The following SORT1 variants were observed in gnomAD, a reference collection of about 807,000 sequenced individuals.
SORT1 encodes sortilin 1.
Under a neutral mutation model 101.7 loss-of-function variants are expected in SORT1, and 39 were observed. The observed-to-expected ratio is 0.38, with a 90% confidence interval of 0.30 to 0.50. The LOEUF (loss-of-function observed/expected upper bound fraction) is 0.50. Ranked by LOEUF, SORT1 falls within the 20% of genes least tolerant of loss-of-function variation. The pLI is 0.90. For synonymous variants in SORT1, 396 were observed against 393.7 expected, an observed-to-expected ratio of 1.01 and a Z score of -0.07; for missense variants, 878 against 1,040.4, an observed-to-expected ratio of 0.84 and a Z score of 2.15.
chr1:109,388,266 C>A (rs1240365732), intron 1 of SORT1, among the ~76,000 whole-genome samples: 13 of 152,156 alleles, frequency 8.5e-5, no homozygotes, highest in African/African-American at 3.1e-4. Flanking sequence ...AAGACAGTAT[C>A]TCGCTCTGTT....
At chr1:109,389,368 T>C (rs116649254) in intron 1 of SORT1, among the ~76,000 whole-genome samples, 6,408 of 152,292 alleles carry the variant, frequency 0.042, 186 homozygotes, top group Middle Eastern at 0.078. Context: ...TTCACAACTA[T>C]ATTACTTATA....
intron 3 of SORT1, among the ~76,000 whole-genome samples, chr1:109,365,180 G>A (rs1377922050): frequency 6.6e-6 from 1 of 152,098 alleles, no homozygotes; most frequent in Non-Finnish European, 1.5e-5. Flanking sequence ...TGATTATACT[G>A]CTTTTATAAT....
Position 109,325,077 on chromosome 1 carries a change from G to A in SORT1, c.1656C>T (p.Asp552=), listed in dbSNP as rs370561290. 66 of 1,609,146 alleles carry A rather than the reference G, an allele frequency of 4.1e-5. No homozygotes were observed. Among genetic ancestry groups the A allele is most frequent in the South Asian group, 5.5e-5 (5 of 90,828 alleles). The part of the protein sequence containing the change: ...RPINVIKFST[D]EGQCWQTYTF... ...TGTAGGTTTGCCAGCATTGACCTTC[G>A]TCTGTGGAGAACCTGAAACCACAAT... Residue 552 remains aspartate (D), a synonymous_variant, in exon 14 of 20, where the codon GAC becomes GAT. Transcript: ENST00000256637.
At chr1:109,364,987 C>A (rs113576828) in intron 3 of SORT1, among the ~76,000 whole-genome samples, 1 of 152,168 alleles carries the variant, frequency 6.6e-6, no homozygotes, top group Non-Finnish European at 1.5e-5. Flanking sequence ...CAATCCTGAG[C>A]CTACTTGCCA....
chr1:109,355,311 AC>A (rs1438032412), intron 4 of SORT1, 55 bp downstream of exon 4: 5 of 856,216 alleles, frequency 5.8e-6, no homozygotes, highest in Non-Finnish European at 1.0e-5. Context: ...CTAATATCTG[AC>A]AGCTCTGCAT....
chr1:109,396,825 C>T (rs1438570547), intron 1 of SORT1, among the ~76,000 whole-genome samples: 2 of 152,194 alleles, frequency 1.3e-5, no homozygotes, highest in Admixed American at 6.5e-5. Context: ...CCAAGTTGTG[C>T]TGAAGCAAGG....
chr1:109,356,784 G>A (rs886509740), intron 3 of SORT1, among the ~76,000 whole-genome samples: 1 of 152,130 alleles, frequency 6.6e-6, no homozygotes, highest in African/African-American at 2.4e-5. Context: ...AGAAGTATTC[G>A]AATCCATGTT....
At chr1:109,382,987 C>G (rs1652337565) in intron 1 of SORT1, among the ~76,000 whole-genome samples, 1 of 152,148 alleles carries the variant, frequency 6.6e-6, no homozygotes, top group South Asian at 2.1e-4. Context: ...TTCATGGAAA[C>G]AACCATCTTC....
intron 3 of SORT1, among the ~76,000 whole-genome samples, chr1:109,358,581 C>T (rs1291708756): frequency 6.6e-6 from 1 of 152,126 alleles, no homozygotes; most frequent in East Asian, 1.9e-4. Flanking sequence ...TTTGGCCGGG[C>T]GTGGTGGCTC....
intron 1 of SORT1, among the ~76,000 whole-genome samples, chr1:109,377,861 A>G (rs762162475): frequency 6.6e-6 from 1 of 152,168 alleles, no homozygotes; most frequent in Non-Finnish European, 1.5e-5. Flanking sequence ...AGAACACCAC[A>G]AATAAAATCT....
intron 13 of SORT1, among the ~76,000 whole-genome samples, chr1:109,326,510 C>CATAG (rs34942536): frequency 7.5e-6 from 1 of 132,682 alleles, no homozygotes; most frequent in African/African-American, 2.9e-5. Flanking sequence ...TATATACACA[C>CATAG]ATACACATAT....
At chr1:109,340,604 G>T in intron 10 of SORT1, 120 bp downstream of exon 10, 20 of 957,812 alleles carry the variant, frequency 2.1e-5, no homozygotes, top group Non-Finnish European at 2.8e-5. Flanking sequence ...ACAAAAAAAT[G>T]TACATGGGTA....
intron 14 of SORT1, among the ~76,000 whole-genome samples, chr1:109,323,391 T>A (rs1647773446): frequency 6.6e-6 from 1 of 152,240 alleles, no homozygotes; most frequent in African/African-American, 2.4e-5. Flanking sequence ...GGAAGCTGGA[T>A]AGAAAATCTC....
rs970983540 is a variant in SORT1, at chr1:109,344,659, T to C, written c.963+1092A>G. On this transcript the variant is annotated intron_variant, in intron 8 of 19. Coordinates refer to ENST00000256637, the MANE Select transcript of SORT1 (RefSeq NM_002959.7). ...TTGTTTTCTTACTGTTTTAGATTTC[T>C]TCGCGGCTTTAATTATTACCTGATA... Among the ~76,000 whole-genome samples the C allele has an allele frequency of 3.9e-5, 6 of 152,346 alleles. No individual in the cohort carries two copies. The East Asian group carries it at 5.8e-4, about 15-fold the overall frequency.
intron 2 of SORT1, 49 bp from the exon 3 acceptor site, chr1:109,367,530 C>A: frequency 8.4e-7 from 1 of 1,192,608 alleles, no homozygotes; most frequent in Non-Finnish European, 1.2e-6. Flanking sequence ...ATTCCAATCA[C>A]ATGCTGATAT....
rs780221196 is a variant in SORT1, at chr1:109,392,824, C to T, written c.306+4763G>A. On this transcript the variant is annotated intron_variant, in intron 1 of 19. Transcript: ENST00000256637. ...GAGAGAAGACTCTTCATGAAGGTTT[C>T]GCTCACTCTGCTCAACCAGGACCAA... 30 of 985,112 alleles carry T rather than the reference C, an allele frequency of 3.0e-5. 1 individual carries two copies. Among genetic ancestry groups the T allele is most frequent in the Admixed American group, 1.8e-4 (3 of 16,288 alleles). The allele number at this position is 985,112 out of a possible 1,614,324, so 61.0% of individuals were successfully genotyped here.
intron 16 of SORT1, 78 bp from the exon 17 acceptor site, chr1:109,317,036 T>A: frequency 1.0e-6 from 1 of 955,580 alleles, no homozygotes; most frequent in Non-Finnish European, 1.6e-6. Flanking sequence ...GAAACAAGAT[T>A]TGAAAAGCTG....
At chr1:109,384,750 C>T (rs1459514243) in intron 1 of SORT1, among the ~76,000 whole-genome samples, 2 of 152,060 alleles carry the variant, frequency 1.3e-5, no homozygotes, top group East Asian at 3.9e-4. Flanking sequence ...CATCCCATGG[C>T]AGAAAGTGGA....
At chr1:109,350,882 C>T in intron 6 of SORT1, 47 bp downstream of exon 6, 1 of 1,250,684 alleles carries the variant, frequency 8.0e-7, no homozygotes, top group Non-Finnish European at 1.2e-6. Context: ...GCAGCGCTAT[C>T]AGGAAGGGTT....
Sources: allele counts gnomAD v4.1 joint callset (sites outside exome capture counted in the v4.1 genomes callset), GRCh38; gene constraint gnomAD v4.1.1; transcripts MANE v1.5; gene names NCBI Gene and HGNC (gene_info 2026-07-23, HGNC 2026-07-21).